Variants in RGS7 observed in about 807,000 individuals in gnomAD.
RGS7 encodes the protein regulator of G protein signaling 7.
Under a neutral mutation model 81.1 loss-of-function variants are expected in RGS7, and 27 were observed. The ratio of observed to expected loss-of-function variants is 0.33; its 90% CI spans 0.25 to 0.46. RGS7 has a LOEUF of 0.46. Ranked by LOEUF, RGS7 falls within the 20% of genes least tolerant of loss-of-function variation. RGS7 has a pLI of 1.00. For missense variants in RGS7, 396 were observed against 607.4 expected (o/e 0.65, Z 3.66); for synonymous variants, 208 against 207.7 (o/e 1.00, Z -0.01).
At chr1:240,825,401 T>C (rs1056792524) in intron 10 of RGS7, among the ~76,000 whole-genome samples, 1 of 152,238 alleles carries the variant, frequency 6.6e-6, no homozygotes, top group African/African-American at 2.4e-5. Context: ...GCGAAGATTC[T>C]AGCAAATTGA....
At chr1:241,034,021 G>A (rs554431627) in intron 3 of RGS7, among the ~76,000 whole-genome samples, 5 of 152,298 alleles carry the variant, frequency 3.3e-5, no homozygotes, top group South Asian at 2.1e-4. Context: ...ACTCTTGCAC[G>A]AAGAAGCATC....
intron 2 of RGS7, among the ~76,000 whole-genome samples, chr1:241,100,921 A>G (rs1183189609): frequency 6.6e-6 from 1 of 152,094 alleles, no homozygotes; most frequent in African/African-American, 2.4e-5. Flanking sequence ...ACTCCAGGGG[A>G]GCTGAGCTGA....
chr1:241,295,350 G>A (rs188115092), intron 2 of RGS7, among the ~76,000 whole-genome samples: 6 of 145,062 alleles, frequency 4.1e-5, no homozygotes, highest in African/African-American at 1.5e-4. Flanking sequence ...CTACTTGGGA[G>A]GATGAGGCAG....
chr1:241,089,053 CTCTCTCTCTCTA>C (rs1225110532), intron 3 of RGS7, among the ~76,000 whole-genome samples: 14 of 53,174 alleles, frequency 2.6e-4, no homozygotes, highest in South Asian at 6.3e-4. Context: ...CTCTCTCTCT[CTCTCTCTCTCTA>C]TATATATATA....
intron 3 of RGS7, among the ~76,000 whole-genome samples, chr1:241,090,434 T>C (rs984864167): frequency 2.0e-5 from 3 of 152,126 alleles, no homozygotes; most frequent in African/African-American, 4.8e-5. Context: ...TGAGACTTCT[T>C]TGACATACCC....
At chr1:241,272,228 C>T (rs1159301616) in intron 2 of RGS7, among the ~76,000 whole-genome samples, 3 of 151,960 alleles carry the variant, frequency 2.0e-5, no homozygotes, top group South Asian at 2.1e-4. Context: ...CTCCTGACCT[C>T]GTGATCCACC....
chr1:240,992,609 T>G (rs1686615039), intron 3 of RGS7, among the ~76,000 whole-genome samples: 1 of 152,170 alleles, frequency 6.6e-6, no homozygotes, highest in African/African-American at 2.4e-5. Flanking sequence ...TATAGTGCTA[T>G]GTATAGACCA....
intron 2 of RGS7, among the ~76,000 whole-genome samples, chr1:241,332,592 A>T (rs565888348): frequency 1.2e-4 from 19 of 152,186 alleles, no homozygotes; most frequent in Admixed American, 9.8e-4. Context: ...CCCCTTCACC[A>T]TCTAAGAGTC....
intron 3 of RGS7, among the ~76,000 whole-genome samples, chr1:241,070,414 G>A (rs758224895): frequency 2.0e-5 from 3 of 152,026 alleles, no homozygotes; most frequent in Non-Finnish European, 4.4e-5. Context: ...TCGTAAGGTG[G>A]GGAATGAGTG....
At chr1:240,978,685 T>C (rs1160121752) in intron 4 of RGS7, among the ~76,000 whole-genome samples, 1 of 152,146 alleles carries the variant, frequency 6.6e-6, no homozygotes, top group Non-Finnish European at 1.5e-5. Context: ...GTAAATGTTG[T>C]TTCAAAACAG....
At chr1:241,077,969 G>C (rs1217522269) in intron 3 of RGS7, among the ~76,000 whole-genome samples, 1 of 151,878 alleles carries the variant, frequency 6.6e-6, no homozygotes, top group Non-Finnish European at 1.5e-5. Context: ...CTGAATTACA[G>C]GGTGGAAAGA....
chr1:241,200,262 A>G (rs2073398615), intron 2 of RGS7, among the ~76,000 whole-genome samples: 1 of 152,078 alleles, frequency 6.6e-6, no homozygotes, highest in Non-Finnish European at 1.5e-5. Context: ...ACTTTTTTCA[A>G]AAAGTGTTCC....
chr1:240,994,295 T>C (rs1345078632), intron 3 of RGS7, among the ~76,000 whole-genome samples: 1 of 152,234 alleles, frequency 6.6e-6, no homozygotes, highest in Non-Finnish European at 1.5e-5. Flanking sequence ...ACAAGGTTAT[T>C]CTTCATGGAT....
At chr1:240,859,538 T>C (rs1661810515) in intron 9 of RGS7, among the ~76,000 whole-genome samples, 1 of 151,044 alleles carries the variant, frequency 6.6e-6, no homozygotes, top group African/African-American at 2.4e-5. Context: ...GCTTTTAGTG[T>C]CACAGAATCA....
chr1:241,349,004 T>C (rs1003110478), intron 2 of RGS7, among the ~76,000 whole-genome samples: 1 of 25,180 alleles, frequency 4.0e-5, no homozygotes, highest in South Asian at 4.6e-3. Context: ...AGTAATAAGA[T>C]AAAATGATAA....
chr1:240,820,719 G>T (rs1372243997), intron 10 of RGS7, among the ~76,000 whole-genome samples: 1 of 152,116 alleles, frequency 6.6e-6, no homozygotes, highest in East Asian at 1.9e-4. Flanking sequence ...GTGAGCTCGC[G>T]AAAGATATTA....
At chr1:240,944,126 TC>T (rs1242248075) in intron 4 of RGS7, among the ~76,000 whole-genome samples, 8 of 151,576 alleles carry the variant, frequency 5.3e-5, no homozygotes, top group African/African-American at 1.9e-4. Flanking sequence ...GAAAAAATGA[TC>T]CATGTAATAC....
chr1:240,883,445 GA>G (rs1387640804), intron 6 of RGS7, among the ~76,000 whole-genome samples: 4 of 152,238 alleles, frequency 2.6e-5, no homozygotes, highest in African/African-American at 9.6e-5. Context: ...CTTAAGGTGT[GA>G]CGGATACTCT....
At chr1:241,347,160 A>G (rs2082946048) in intron 2 of RGS7, among the ~76,000 whole-genome samples, 1 of 152,200 alleles carries the variant, frequency 6.6e-6, no homozygotes, top group African/African-American at 2.4e-5. Context: ...GACATCTTCT[A>G]CCAATGAGTA....
Sources: gnomAD v4.1 joint callset for allele counts (sites outside exome capture counted in the v4.1 genomes callset) on GRCh38, gnomAD v4.1.1 for gene constraint, MANE v1.5 for transcripts, NCBI Gene and HGNC (gene_info 2026-07-23, HGNC 2026-07-21) for gene names.